Variants in NELL2 observed in about 807,000 individuals in gnomAD.
The protein encoded by NELL2 is neural EGFL like 2, also known as protein kinase C-binding protein NELL2.
NELL2 carries 41 observed loss-of-function variants against 109.6 expected under a neutral mutation model. The observed-to-expected ratio is 0.37, with a 90% CI of 0.29 to 0.49. NELL2 has a LOEUF of 0.49. Among genes scored for constraint, NELL2 ranks in the 20% least tolerant of loss-of-function variants. The pLI is 0.98. For missense variants in NELL2, 900 were observed against 1,008.3 expected (o/e 0.89, Z 1.45); for synonymous variants, 355 against 344.7 (o/e 1.03, Z -0.33).
chr12:44,681,707 G>T (rs1592323465), intron 12 of NELL2, among the ~76,000 whole-genome samples: 1 of 152,060 alleles, frequency 6.6e-6, no homozygotes, highest in South Asian at 2.1e-4. Flanking sequence ...TGAGAATGAT[G>T]ATTTCCAATT....
At position 44,820,602 on chromosome 12, in the gene NELL2, C is replaced by A. The variant is rs546583321; in HGVS notation, c.185-4466G>T. Among the ~76,000 whole-genome samples, 16 of 86,274 alleles carry A rather than the reference C, an allele frequency of 1.9e-4. No homozygotes were observed. The South Asian group carries it at 7.1e-3, about 39-fold the overall frequency. The allele number at this position is 86,274 out of a possible 152,430, so 56.6% of individuals were successfully genotyped here. On this transcript the variant is annotated intron_variant, in intron 2 of 19. Transcript: ENST00000429094. ...CCAGCCTGGGTGACAGAGCAAGACTCCGTCTCAAAAAAAAAAAAAAGAAAA... is the reference window on the plus strand; with the variant it reads ...CCAGCCTGGGTGACAGAGCAAGACTACGTCTCAAAAAAAAAAAAAAGAAAA...
intron 1 of NELL2, among the ~76,000 whole-genome samples, chr12:44,906,783 T>C (rs575786804): frequency 4.2e-4 from 64 of 152,158 alleles, no homozygotes; most frequent in African/African-American, 1.5e-3. Context: ...TATGTCCAAA[T>C]AGAAATACTG....
chr12:44,601,094 A>G (rs1945202099), intron 15 of NELL2, among the ~76,000 whole-genome samples: 1 of 152,144 alleles, frequency 6.6e-6, no homozygotes, highest in African/African-American at 2.4e-5. Flanking sequence ...ATTCCCAACT[A>G]ATTCCACTTG....
At chr12:44,699,838 C>T (rs1004248523) in intron 12 of NELL2, among the ~76,000 whole-genome samples, 18 of 152,122 alleles carry the variant, frequency 1.2e-4, no homozygotes, top group African/African-American at 4.1e-4. Flanking sequence ...TCTCCTCCTA[C>T]GTTTCAGCCA....
At chr12:44,620,669 A>G (rs1946024188) in intron 13 of NELL2, among the ~76,000 whole-genome samples, 1 of 150,068 alleles carries the variant, frequency 6.7e-6, no homozygotes, top group Non-Finnish European at 1.5e-5. Flanking sequence ...GTCACCATAG[A>G]CTCCTCCCTC....
chr12:44,825,423 G>T (rs1943680158), intron 2 of NELL2, among the ~76,000 whole-genome samples: 2 of 109,146 alleles, frequency 1.8e-5, no homozygotes. Context: ...TTGAGACAGA[G>T]TCTTGCTCTG....
chr12:44,634,329 C>T (rs964754569), intron 13 of NELL2, among the ~76,000 whole-genome samples: 1 of 151,826 alleles, frequency 6.6e-6, no homozygotes, highest in African/African-American at 2.4e-5. Flanking sequence ...CCCAGCCCCC[C>T]ACCCCATGAC....
chr12:44,623,339 G>C (rs932153980), intron 13 of NELL2, among the ~76,000 whole-genome samples: 8 of 152,056 alleles, frequency 5.3e-5, no homozygotes, highest in African/African-American at 1.9e-4. Flanking sequence ...ACTTACACCT[G>C]TGTTTTGTTC....
At chr12:44,679,566 C>T (rs980279968) in intron 12 of NELL2, among the ~76,000 whole-genome samples, 1 of 152,190 alleles carries the variant, frequency 6.6e-6, no homozygotes, top group Non-Finnish European at 1.5e-5. Context: ...GCAGTAACCC[C>T]TTTTCACAGC....
chr12:44,590,559 T>G (rs1216604937), intron 15 of NELL2, among the ~76,000 whole-genome samples: 17 of 152,210 alleles, frequency 1.1e-4, no homozygotes, highest in Admixed American at 1.1e-3. Flanking sequence ...AATTGTGTTT[T>G]TGCCACAAAA....
At chr12:44,637,094 T>A (rs567447176) in intron 13 of NELL2, among the ~76,000 whole-genome samples, 91 of 152,118 alleles carry the variant, frequency 6.0e-4, no homozygotes, top group Non-Finnish European at 3.8e-4. Context: ...GGATCAGTGG[T>A]GATATCCCCT....
chr12:44,683,510 G>C (rs1948602280), intron 12 of NELL2, among the ~76,000 whole-genome samples: 1 of 152,010 alleles, frequency 6.6e-6, no homozygotes, highest in Non-Finnish European at 1.5e-5. Flanking sequence ...TTTTCAAAGG[G>C]AATGCTTCCA....
chr12:44,580,575 T>G (rs1754608137), intron 15 of NELL2, among the ~76,000 whole-genome samples: 2 of 152,010 alleles, frequency 1.3e-5, no homozygotes, highest in African/African-American at 4.8e-5. Flanking sequence ...AAAATTAGTG[T>G]GGTGGTGGGC....
rs71459072 is a variant in NELL2 at position 44,648,731 on chromosome 12, A to AT, written c.1444+16752dup. On this transcript the variant is annotated intron_variant, in intron 13 of 19. Transcript: ENST00000429094. ...CCATCATATATATATATATATATAT[A>AT]TTTTTTTTTTTTTTTTTTTTTTGAG... Among the ~76,000 whole-genome samples the AT allele has an allele frequency of 2.0e-3, 175 of 89,670 alleles. 2 individuals are homozygous for AT. Among genetic ancestry groups the AT allele is most frequent in the South Asian group, 3.2e-3 (9 of 2,792 alleles). 58.8% of individuals were successfully genotyped at this position (89,670 alleles called of 152,430 possible).
rs565343835 is a variant in NELL2, at chr12:44,698,796, C to T, written c.1318+4930G>A. On this transcript the variant is annotated intron_variant, in intron 12 of 19. Transcript: ENST00000429094. ...GTGACATGCAATCATATAAATGACT[C>T]ACTTATGCAGGACTCTTCCTGTTCT... Among the ~76,000 whole-genome samples the T allele has an allele frequency of 5.3e-5, 8 of 152,248 alleles. 1 individual carries two copies. The East Asian group carries it at 5.8e-4, about 11-fold the overall frequency.
At chr12:44,639,847 T>A (rs141332443) in intron 13 of NELL2, among the ~76,000 whole-genome samples, 1 of 152,270 alleles carries the variant, frequency 6.6e-6, no homozygotes, top group Non-Finnish European at 1.5e-5. Context: ...TGGAAACTCC[T>A]TCCATGGTTT....
At chr12:44,583,401 G>A (rs78730746) in intron 15 of NELL2, among the ~76,000 whole-genome samples, 6,262 of 152,058 alleles carry the variant, frequency 0.041, 449 homozygotes, top group African/African-American at 0.14. Context: ...ACCACACCCC[G>A]CCAACACCAG....
chr12:44,717,322 T>C (rs934027974), intron 9 of NELL2, among the ~76,000 whole-genome samples: 4 of 152,156 alleles, frequency 2.6e-5, no homozygotes, highest in African/African-American at 9.7e-5. Context: ...GTAACAGTCA[T>C]GTTAACCTAT....
At chr12:44,594,880 G>GGC (rs1944898079) in intron 15 of NELL2, among the ~76,000 whole-genome samples, 1 of 152,056 alleles carries the variant, frequency 6.6e-6, no homozygotes, top group Non-Finnish European at 1.5e-5. Context: ...AAGAGATTCA[G>GGC]TACCTTCTGG....
Sources: allele counts gnomAD v4.1 joint callset (sites outside exome capture counted in the v4.1 genomes callset), GRCh38; gene constraint gnomAD v4.1.1; transcripts MANE v1.5; gene names NCBI Gene and HGNC (gene_info 2026-07-23, HGNC 2026-07-21).